HS6ST1: variants seen among roughly 807,000 people sequenced by gnomAD.
The protein encoded by HS6ST1 is heparan sulfate 6-O-sulfotransferase 1.
HS6ST1 carries 3 observed loss-of-function variants against 25.2 expected under a neutral mutation model. The observed-to-expected ratio is 0.12, with a 90% CI of 0.05 to 0.31. The LOEUF is 0.31. Ranked by LOEUF, HS6ST1 falls within the 10% of genes least tolerant of loss-of-function variation. The probability of loss-of-function intolerance (pLI) is 1.00; values close to 1 mark genes in which losing one functional copy is unlikely to be tolerated. For missense variants in HS6ST1, 310 were observed against 609.6 expected (o/e 0.51, Z 5.18); for synonymous variants, 204 against 275.1 (o/e 0.74, Z 2.56).
intron 1 of HS6ST1, among the ~76,000 whole-genome samples, chr2:128,317,101 A>T (rs1054248131): frequency 6.6e-6 from 1 of 152,240 alleles, no homozygotes; most frequent in African/African-American, 2.4e-5. Flanking sequence ...CTGCAGGACG[A>T]ATGGGCACCA....
chr2:128,311,147 A>G (rs1454336193), intron 1 of HS6ST1, among the ~76,000 whole-genome samples: 1 of 152,176 alleles, frequency 6.6e-6, no homozygotes, highest in East Asian at 1.9e-4. Flanking sequence ...TATTTTTTTC[A>G]GCATAACATA....
intron 1 of HS6ST1, among the ~76,000 whole-genome samples, chr2:128,293,597 T>C (rs866810110): frequency 1.1e-4 from 17 of 152,252 alleles, no homozygotes; most frequent in Middle Eastern, 3.4e-3. Flanking sequence ...GGGGGATGTT[T>C]AGCAAAACCA....
intron 1 of HS6ST1, among the ~76,000 whole-genome samples, chr2:128,314,722 C>T (rs900489919): frequency 8.5e-5 from 13 of 152,274 alleles, no homozygotes; most frequent in African/African-American, 2.2e-4. Context: ...ACAGAGGCTG[C>T]GAGCCCACTA....
intron 1 of HS6ST1, among the ~76,000 whole-genome samples, chr2:128,279,390 A>G (rs1693744735): frequency 6.8e-6 from 1 of 147,946 alleles, no homozygotes; most frequent in Admixed American, 6.7e-5. Context: ...TCAGTTACTG[A>G]AAGAAAATGA....
intron 1 of HS6ST1, among the ~76,000 whole-genome samples, chr2:128,284,498 G>A (rs1380840908): frequency 1.6e-5 from 1 of 63,134 alleles, no homozygotes; most frequent in Non-Finnish European, 3.2e-5. Context: ...AGGTGACATC[G>A]TCCCTCTTTT....
At chr2:128,287,573 G>T (rs1693883814) in intron 1 of HS6ST1, among the ~76,000 whole-genome samples, 1 of 152,226 alleles carries the variant, frequency 6.6e-6, no homozygotes, top group African/African-American at 2.4e-5. Context: ...AAGAGGAGGT[G>T]CTGACAATGT....
intron 1 of HS6ST1, among the ~76,000 whole-genome samples, chr2:128,312,469 G>A (rs887606579): frequency 6.6e-5 from 10 of 152,232 alleles, no homozygotes; most frequent in African/African-American, 2.4e-4. Flanking sequence ...TGCCCCCATG[G>A]CTTGTCACGC....
chr2:128,295,125 C>T (rs1366438353), intron 1 of HS6ST1, among the ~76,000 whole-genome samples: 1 of 152,208 alleles, frequency 6.6e-6, no homozygotes, highest in Non-Finnish European at 1.5e-5. Flanking sequence ...CCCTGGGTCC[C>T]TCTGTCCTGA....
intron 1 of HS6ST1, among the ~76,000 whole-genome samples, chr2:128,313,211 T>C (rs563489516): frequency 6.6e-6 from 1 of 152,250 alleles, no homozygotes; most frequent in South Asian, 2.1e-4. Flanking sequence ...ATTCAGACTA[T>C]TCAACTCAGA....
chr2:128,302,356 G>A (rs1330987811), intron 1 of HS6ST1, among the ~76,000 whole-genome samples: 1 of 152,184 alleles, frequency 6.6e-6, no homozygotes, highest in Non-Finnish European at 1.5e-5. Context: ...CATGTTTACT[G>A]ATGTGTACGT....
At chr2:128,296,400 T>G (rs1269342369) in intron 1 of HS6ST1, among the ~76,000 whole-genome samples, 1 of 152,148 alleles carries the variant, frequency 6.6e-6, no homozygotes, top group Non-Finnish European at 1.5e-5. Flanking sequence ...GTATTCAGAT[T>G]GGAAAGAAAA....
intron 1 of HS6ST1, among the ~76,000 whole-genome samples, chr2:128,281,024 G>A (rs1357532424): frequency 1.3e-5 from 2 of 152,270 alleles, no homozygotes; most frequent in Non-Finnish European, 2.9e-5. Flanking sequence ...CAACACCAGA[G>A]AGGCCAAGGC....
intron 1 of HS6ST1, among the ~76,000 whole-genome samples, chr2:128,295,753 G>GA (rs1694031706): frequency 6.6e-6 from 1 of 152,058 alleles, no homozygotes; most frequent in South Asian, 2.1e-4. Flanking sequence ...TTAACAGAAT[G>GA]AAGGAAAAAA....
At chr2:128,303,367 T>G (rs1694161121) in intron 1 of HS6ST1, among the ~76,000 whole-genome samples, 1 of 152,238 alleles carries the variant, frequency 6.6e-6, no homozygotes, top group African/African-American at 2.4e-5. Flanking sequence ...GGGGCCACCC[T>G]GAGGGCTGAG....
At chr2:128,311,709 C>T (rs1238266792) in intron 1 of HS6ST1, among the ~76,000 whole-genome samples, 2 of 152,180 alleles carry the variant, frequency 1.3e-5, no homozygotes, top group African/African-American at 4.8e-5. Context: ...ATCTCCTCAC[C>T]CTCCAGCATT....
intron 1 of HS6ST1, among the ~76,000 whole-genome samples, chr2:128,306,819 G>T (rs1456886828): frequency 6.6e-6 from 1 of 152,200 alleles, no homozygotes; most frequent in African/African-American, 2.4e-5. Flanking sequence ...GACAGCCCTG[G>T]GTGCGCCCGC....
chr2:128,296,964 A>G (rs1313564819), intron 1 of HS6ST1, among the ~76,000 whole-genome samples: 4 of 152,236 alleles, frequency 2.6e-5, no homozygotes, highest in Admixed American at 1.3e-4. Context: ...TGGGAGGCCA[A>G]TGAGGGAGGA....
chr2:128,278,954 C>T (rs114118923), intron 1 of HS6ST1, among the ~76,000 whole-genome samples: 4,421 of 152,258 alleles, frequency 0.029, 87 homozygotes, highest in South Asian at 0.068. Context: ...TGTAATTAAA[C>T]ATTACATAAA....
chr2:128,282,784 T>TG (rs1466646575), intron 1 of HS6ST1, among the ~76,000 whole-genome samples: 1 of 152,162 alleles, frequency 6.6e-6, no homozygotes, highest in East Asian at 1.9e-4. Context: ...GGAGGGGAGC[T>TG]GGGCACTGCG....
Sources: allele counts gnomAD v4.1 joint callset (sites outside exome capture counted in the v4.1 genomes callset), GRCh38; gene constraint gnomAD v4.1.1; transcripts MANE v1.5; gene names NCBI Gene and HGNC (gene_info 2026-07-23, HGNC 2026-07-21).